GALNT13: variants seen among roughly 807,000 people sequenced by gnomAD.
GALNT13 encodes UDP-GalNAc:polypeptide N-acetylgalactosaminyltransferase 13.
In GALNT13, 28 loss-of-function variants were observed where a neutral mutation model predicts 64.2. The ratio of observed to expected loss-of-function variants is 0.44; its 90% CI spans 0.32 to 0.60. GALNT13 has a LOEUF of 0.60. Ranked by LOEUF, GALNT13 falls within the 20% of genes least tolerant of loss-of-function variation. The pLI, the probability that GALNT13 is intolerant of heterozygous loss-of-function variation, is 0.05. For synonymous variants in GALNT13, 214 were observed against 224.6 expected (o/e 0.95, Z 0.42); for missense variants, 577 against 669.8 (o/e 0.86, Z 1.53).
the GALNT13 span, among the ~76,000 whole-genome samples, chr2:153,371,494 A>C: frequency 1.3e-5 from 2 of 152,186 alleles, no homozygotes; most frequent in African/African-American, 4.8e-5. Flanking sequence ...ACAATGTCAA[A>C]ACTAAAAAAT....
the GALNT13 span, among the ~76,000 whole-genome samples, chr2:153,248,732 C>T: frequency 6.1e-5 from 9 of 147,552 alleles, no homozygotes; most frequent in African/African-American, 1.5e-4. Flanking sequence ...AGGATAATGG[C>T]GTGAACCCAG....
chr2:154,449,480 CAA>C (rs35845747), intron 12 of GALNT13, among the ~76,000 whole-genome samples: 2 of 123,930 alleles, frequency 1.6e-5, no homozygotes, highest in East Asian at 2.0e-4. Context: ...TGGTAATTTG[CAA>C]AAAAAAAAGT....
chr2:153,265,790 G>A, the GALNT13 span, among the ~76,000 whole-genome samples: 3,976 of 152,206 alleles, frequency 0.026, 175 homozygotes, highest in African/African-American at 0.09. Context: ...TCTTGAGATG[G>A]AATCTGTTTC....
chr2:154,164,790 A>T (rs1192823189), intron 4 of GALNT13, among the ~76,000 whole-genome samples: 1 of 152,126 alleles, frequency 6.6e-6, no homozygotes, highest in Non-Finnish European at 1.5e-5. Context: ...CATGTGCACA[A>T]TCTATACAAA....
At chr2:153,597,628 T>G in the GALNT13 span, among the ~76,000 whole-genome samples, 1 of 151,938 alleles carries the variant, frequency 6.6e-6, no homozygotes, top group Admixed American at 6.6e-5. Flanking sequence ...AATAAATAAA[T>G]TAGACTTTAT....
the GALNT13 span, among the ~76,000 whole-genome samples, chr2:153,171,640 T>C: frequency 6.6e-6 from 1 of 152,162 alleles, no homozygotes; most frequent in African/African-American, 2.4e-5. Flanking sequence ...CTAGATATTA[T>C]TGTGTCTGCC....
chr2:153,667,238 C>T, the GALNT13 span, among the ~76,000 whole-genome samples: 46 of 152,152 alleles, frequency 3.0e-4, no homozygotes, highest in Non-Finnish European at 3.7e-4. Context: ...AACATTTCCC[C>T]AGCCTCACTA....
At chr2:153,359,629 G>GAAAAAAAAAAAAAAAAAA in the GALNT13 span, among the ~76,000 whole-genome samples, 1 of 8,926 alleles carries the variant, frequency 1.1e-4, no homozygotes, top group Non-Finnish European at 2.1e-4. Context: ...CCAGCTTTCA[G>GAAAAAAAAAAAAAAAAAA]CAAAAAAAAA....
chr2:153,954,144 G>A (rs2105409896), intron 3 of GALNT13, among the ~76,000 whole-genome samples: 1 of 152,158 alleles, frequency 6.6e-6, no homozygotes, highest in Admixed American at 6.5e-5. Context: ...GTTTACATAA[G>A]GGAGAACTAA....
At chr2:153,242,645 A>G in the GALNT13 span, among the ~76,000 whole-genome samples, 1 of 152,216 alleles carries the variant, frequency 6.6e-6, no homozygotes, top group Non-Finnish European at 1.5e-5. Context: ...TCCAAGCTAT[A>G]TGTATTTAGA....
chr2:154,316,002 C>T (rs937858654), intron 9 of GALNT13, among the ~76,000 whole-genome samples: 1 of 152,112 alleles, frequency 6.6e-6, no homozygotes, highest in Admixed American at 6.6e-5. Flanking sequence ...GCAGTAGAAT[C>T]GCTTGAACCC....
the GALNT13 span, among the ~76,000 whole-genome samples, chr2:153,614,861 A>G: frequency 6.6e-6 from 1 of 152,090 alleles, no homozygotes; most frequent in Admixed American, 6.6e-5. Flanking sequence ...CCCCTCAAGC[A>G]CTTATCCTTT....
the GALNT13 span, among the ~76,000 whole-genome samples, chr2:153,398,436 C>T: frequency 6.6e-6 from 1 of 151,974 alleles, no homozygotes; most frequent in African/African-American, 2.4e-5. Flanking sequence ...GGGTACATAC[C>T]CAGTAATGGG....
At chr2:153,402,831 A>G in the GALNT13 span, among the ~76,000 whole-genome samples, 13 of 152,108 alleles carry the variant, frequency 8.5e-5, no homozygotes, top group African/African-American at 3.1e-4. Flanking sequence ...ACATTCTTCT[A>G]AATTGTTTTC....
At chr2:154,092,123 C>T (rs1558952968) in intron 3 of GALNT13, among the ~76,000 whole-genome samples, 1 of 142,336 alleles carries the variant, frequency 7.0e-6, no homozygotes, top group Non-Finnish European at 1.5e-5. Context: ...GTTGTGTACG[C>T]TTGTTCAGAT....
the GALNT13 span, among the ~76,000 whole-genome samples, chr2:153,213,878 G>C: frequency 6.6e-6 from 1 of 152,086 alleles, no homozygotes; most frequent in Admixed American, 6.6e-5. Flanking sequence ...TATTCATTAG[G>C]AGCATTAGTG....
At chr2:153,101,357 C>G in the GALNT13 span, among the ~76,000 whole-genome samples, 12,437 of 147,040 alleles carry the variant, frequency 0.085, 663 homozygotes, top group Non-Finnish European at 0.12. Context: ...CCCATTGGGT[C>G]AGAGATTGCT....
chr2:153,178,198 A>T, the GALNT13 span, among the ~76,000 whole-genome samples: 1 of 152,196 alleles, frequency 6.6e-6, no homozygotes, highest in African/African-American at 2.4e-5. Context: ...TGACATACTG[A>T]CTTCAAATCT....
chr2:153,822,420 G>A, the GALNT13 span, among the ~76,000 whole-genome samples: 2 of 152,096 alleles, frequency 1.3e-5, no homozygotes, highest in South Asian at 4.1e-4. Flanking sequence ...TATAGGGTTA[G>A]TTCCACATAT....
Sources: allele counts gnomAD v4.1 joint callset (sites outside exome capture counted in the v4.1 genomes callset), GRCh38; gene constraint gnomAD v4.1.1; transcripts MANE v1.5; gene names NCBI Gene and HGNC (gene_info 2026-07-23, HGNC 2026-07-21).